NR3C2: variants seen among roughly 807,000 people sequenced by gnomAD.
The protein encoded by NR3C2 is mineralocorticoid receptor.
A neutral mutation model predicts 86.4 loss-of-function variants in NR3C2; 15 were observed. That is an observed-to-expected ratio of 0.17 (90% CI 0.12 to 0.27). The LOEUF (loss-of-function observed/expected upper bound fraction) is 0.27. NR3C2 is among the 10% of genes least tolerant of loss of function. The probability of loss-of-function intolerance (pLI) is 1.00; values close to 1 mark genes in which losing one functional copy is unlikely to be tolerated. For synonymous variants in NR3C2, 458 were observed against 450.5 expected (o/e 1.02, Z -0.21); for missense variants, 960 against 1,195.6 (o/e 0.80, Z 2.91).
chr4:148,092,833 G>A (rs1297083377), intron 8 of NR3C2, among the ~76,000 whole-genome samples: 1 of 152,176 alleles, frequency 6.6e-6, no homozygotes, highest in African/African-American at 2.4e-5. Context: ...GGGTCGGAGT[G>A]GGGAGGGTGG....
intron 2 of NR3C2, among the ~76,000 whole-genome samples, chr4:148,342,223 C>A (rs1052405165): frequency 3.9e-5 from 6 of 151,984 alleles, no homozygotes; most frequent in Non-Finnish European, 8.8e-5. Context: ...TAGCGAAGTA[C>A]GTGGCTTTTC....
chr4:148,323,868 C>CT (rs35070877), intron 2 of NR3C2, among the ~76,000 whole-genome samples: 51,296 of 151,970 alleles, frequency 0.34, 9,883 homozygotes, highest in African/African-American at 0.53. Context: ...AGCTGTGGAC[C>CT]GGAGCTGTTC....
intron 2 of NR3C2, among the ~76,000 whole-genome samples, chr4:148,305,530 C>T (rs1742571157): frequency 7.1e-6 from 1 of 140,790 alleles, no homozygotes; most frequent in Non-Finnish European, 1.5e-5. Flanking sequence ...GCAAGGATCC[C>T]ATTCTTTCTT....
chr4:148,311,998 G>A lies in NR3C2; in HGVS notation c.1758-51881C>T, dbSNP rs373542359. Among the ~76,000 whole-genome samples, 13 of 152,296 alleles carry A rather than the reference G, an allele frequency of 8.5e-5. No individual in the cohort carries two copies. In the East Asian group the frequency reaches 2.3e-3, roughly 27 times the overall value. On this transcript the variant is annotated intron_variant, in intron 2 of 8. Coordinates refer to ENST00000358102, the MANE Select transcript of NR3C2 (RefSeq NM_000901.5). ...TCTCTAAAGCAGTACTCATGCATGGGCATGCATGCACACACAGTGATGCTT... is the reference window on the plus strand; with the variant it reads ...TCTCTAAAGCAGTACTCATGCATGGACATGCATGCACACACAGTGATGCTT...
intron 2 of NR3C2, among the ~76,000 whole-genome samples, chr4:148,317,982 G>C (rs568479066): frequency 6.7e-6 from 1 of 149,034 alleles, no homozygotes; most frequent in East Asian, 2.0e-4. Flanking sequence ...CCACTAACTC[G>C]TCATCTAGCA....
intron 2 of NR3C2, among the ~76,000 whole-genome samples, chr4:148,263,870 C>T (rs1389849077): frequency 6.6e-6 from 1 of 152,180 alleles, no homozygotes; most frequent in African/African-American, 2.4e-5. Context: ...AATCCTTCTC[C>T]TTTAGCAGTT....
rs541867790 is a variant in NR3C2, at chr4:148,118,448, T to A, written c.2641+1710A>T. On this transcript the variant is annotated intron_variant, in intron 7 of 8. Transcript: ENST00000358102. ...TCCACCTCTCTGACAGTTGTCTCTG[T>A]CCCTGCAGCTTCTGCCACCCTCCTG... 1.8e-4 allele frequency among the ~76,000 whole-genome samples: 28 copies of A among 152,300 alleles called. 1 individual carries two copies. Among genetic ancestry groups the A allele is most frequent in the East Asian group, 1.7e-3 (9 of 5,182 alleles).
upstream of NR3C2, chr4:148,444,150 C>T (rs1194086514): frequency 2.8e-5 from 28 of 985,332 alleles, no homozygotes; most frequent in Non-Finnish European, 2.8e-5. Flanking sequence ...GAGTCCCGGA[C>T]CTAGAGCCTG....
chr4:148,202,076 G>A (rs1736749580), intron 3 of NR3C2, among the ~76,000 whole-genome samples: 1 of 152,192 alleles, frequency 6.6e-6, no homozygotes, highest in Non-Finnish European at 1.5e-5. Flanking sequence ...AAAATTTTAT[G>A]TTTTAAAAAA....
At chr4:148,286,525 TA>T (rs1741528797) in intron 2 of NR3C2, among the ~76,000 whole-genome samples, 2 of 152,206 alleles carry the variant, frequency 1.3e-5, no homozygotes. Context: ...ATTCATTAAG[TA>T]AAATAGCCTC....
chr4:148,239,660 TG>T (rs1162444078), intron 3 of NR3C2, among the ~76,000 whole-genome samples: 1 of 152,218 alleles, frequency 6.6e-6, no homozygotes, highest in East Asian at 1.9e-4. Flanking sequence ...TCTTAAAACT[TG>T]CTAATAAGCT....
intron 4 of NR3C2, among the ~76,000 whole-genome samples, chr4:148,171,412 T>C (rs1179947395): frequency 6.6e-6 from 1 of 152,234 alleles, no homozygotes; most frequent in Non-Finnish European, 1.5e-5. Context: ...GAATGCCTTA[T>C]AGCAGTGGTT....
intron 2 of NR3C2, among the ~76,000 whole-genome samples, chr4:148,415,095 T>C (rs1748927215): frequency 6.6e-6 from 1 of 152,224 alleles, no homozygotes; most frequent in African/African-American, 2.4e-5. Context: ...CTCCTCCTAT[T>C]TACTCAGTTA....
At chr4:148,430,615 T>G (rs537158485) in intron 2 of NR3C2, among the ~76,000 whole-genome samples, 72 of 152,272 alleles carry the variant, frequency 4.7e-4, no homozygotes, top group Non-Finnish European at 7.6e-4. Context: ...CATGTTTTCA[T>G]TCCCAAATGA....
intron 2 of NR3C2, among the ~76,000 whole-genome samples, chr4:148,403,048 A>G (rs1002118523): frequency 6.6e-6 from 1 of 152,026 alleles, no homozygotes; most frequent in African/African-American, 2.4e-5. Context: ...ATATACATAT[A>G]CACATTCATA....
chr4:148,194,027 A>G (rs1455219166), intron 4 of NR3C2, among the ~76,000 whole-genome samples: 1 of 152,228 alleles, frequency 6.6e-6, no homozygotes, highest in Non-Finnish European at 1.5e-5. Flanking sequence ...ATCGATGAGC[A>G]AATACCACGG....
chr4:148,436,538 T>TATA lies in NR3C2; in HGVS notation c.320_322dup (p.Leu107dup), dbSNP rs1750084248. The TATA allele has an allele frequency of 1.2e-6, 2 of 1,614,236 alleles. No homozygotes were observed. Among genetic ancestry groups the TATA allele is most frequent in the Non-Finnish European group, 1.7e-6 (2 of 1,180,040 alleles). On this transcript the variant is annotated inframe_insertion, in exon 2 of 9. Transcript: ENST00000358102. ...GTCAGCATCTCTTACAGAATCCATA[T>TATA]ATAAACCCATGGACTCAGCTACAGT...
At chr4:148,213,136 G>C (rs1158388055) in intron 3 of NR3C2, among the ~76,000 whole-genome samples, 2 of 96,238 alleles carry the variant, frequency 2.1e-5, no homozygotes, top group Admixed American at 2.2e-4. Context: ...GACAATGATG[G>C]GTTTTTTTTT....
chr4:148,112,036 C>T (rs1320617651), intron 8 of NR3C2, among the ~76,000 whole-genome samples: 1 of 152,050 alleles, frequency 6.6e-6, no homozygotes, highest in Non-Finnish European at 1.5e-5. Context: ...CTTTGGGAAA[C>T]TTTGCATAAA....
Sources: gnomAD v4.1 joint callset for allele counts (sites outside exome capture counted in the v4.1 genomes callset) on GRCh38, gnomAD v4.1.1 for gene constraint, MANE v1.5 for transcripts, NCBI Gene and HGNC (gene_info 2026-07-23, HGNC 2026-07-21) for gene names.